Variants in MACROD2 observed in about 807,000 individuals in gnomAD.
MACROD2 encodes mono-ADP ribosylhydrolase 2.
Under a neutral mutation model 70.4 loss-of-function variants are expected in MACROD2, and 36 were observed. The observed-to-expected ratio is 0.51, with a 90% CI of 0.39 to 0.68. The LOEUF is 0.68. Among genes scored for constraint, MACROD2 ranks in the 30% least tolerant of loss-of-function variants. The pLI, the probability that MACROD2 is intolerant of heterozygous loss-of-function variation, is 0.00. For synonymous variants in MACROD2, 172 were observed against 178.8 expected, an observed-to-expected ratio of 0.96 and a Z score of 0.30; for missense variants, 496 against 538.4, an observed-to-expected ratio of 0.92 and a Z score of 0.78.
intron 3 of MACROD2, among the ~76,000 whole-genome samples, chr20:14,174,738 G>A (rs964291959): frequency 5.3e-5 from 8 of 152,196 alleles, no homozygotes; most frequent in Non-Finnish European, 1.0e-4. Context: ...AGTTTAGCTG[G>A]AAGTTTCCTT....
intron 4 of MACROD2, among the ~76,000 whole-genome samples, chr20:14,679,287 G>A (rs1600530423): frequency 6.6e-6 from 1 of 152,224 alleles, no homozygotes; most frequent in Non-Finnish European, 1.5e-5. Context: ...TTGAAAAATG[G>A]GAAAGACCTC....
At chr20:15,487,936 G>C (rs918350650) in intron 7 of MACROD2, among the ~76,000 whole-genome samples, 1 of 152,174 alleles carries the variant, frequency 6.6e-6, no homozygotes, top group Non-Finnish European at 1.5e-5. Flanking sequence ...CAGCATGCCT[G>C]CCTCTGGAGA....
At chr20:14,408,054 G>T (rs1423186529) in intron 3 of MACROD2, among the ~76,000 whole-genome samples, 1 of 152,122 alleles carries the variant, frequency 6.6e-6, no homozygotes, top group East Asian at 1.9e-4. Context: ...GACTTTTAGT[G>T]TTATGTAACT....
intron 5 of MACROD2, among the ~76,000 whole-genome samples, chr20:15,077,503 A>T (rs942385431): frequency 5.9e-5 from 9 of 152,200 alleles, no homozygotes; most frequent in Non-Finnish European, 1.2e-4. Flanking sequence ...AATGTAAAGG[A>T]TTAGTATTAG....
intron 6 of MACROD2, among the ~76,000 whole-genome samples, chr20:15,409,101 G>T (rs1474546034): frequency 2.0e-5 from 3 of 152,142 alleles, no homozygotes; most frequent in Non-Finnish European, 2.9e-5. Context: ...ATGCTAGCCA[G>T]TTCTGGTTGG....
chr20:15,987,203 T>C (rs2066498472), intron 15 of MACROD2, 45 bp downstream of exon 15: 1 of 1,446,756 alleles, frequency 6.9e-7, no homozygotes, highest in Non-Finnish European at 9.5e-7. Flanking sequence ...GAGAGTTTCT[T>C]TGGATTCCTG....
chr20:15,358,656 A>C (rs1299565865), intron 6 of MACROD2, among the ~76,000 whole-genome samples: 1 of 152,224 alleles, frequency 6.6e-6, no homozygotes, highest in Non-Finnish European at 1.5e-5. Context: ...AAAATACTAC[A>C]GACTGGGTGA....
chr20:15,970,035 G>A (rs2066206511), intron 13 of MACROD2, among the ~76,000 whole-genome samples: 1 of 151,950 alleles, frequency 6.6e-6, no homozygotes, highest in Admixed American at 6.6e-5. Context: ...TCAAGCACTT[G>A]GACTGAGAGC....
intron 6 of MACROD2, among the ~76,000 whole-genome samples, chr20:15,365,751 T>A (rs1440413724): frequency 3.3e-5 from 5 of 152,180 alleles, no homozygotes; most frequent in African/African-American, 4.8e-5. Flanking sequence ...AAAGAGTTTT[T>A]AAATTTGATT....
At chr20:14,717,041 T>G (rs763347942) in intron 5 of MACROD2, among the ~76,000 whole-genome samples, 22 of 152,206 alleles carry the variant, frequency 1.4e-4, no homozygotes, top group South Asian at 6.2e-4. Flanking sequence ...AAAAAAAATT[T>G]GGGGGTATTG....
rs556478881 is a variant in MACROD2 at position 15,959,555 on chromosome 20, C to T, written c.908-7998C>T. On this transcript the variant is annotated intron_variant, in intron 12 of 17. Transcript: ENST00000684519. The stretch of plus-strand genomic sequence containing the variant: ...TTTGTTTGTTTGTTTTTGAGACAGA[C>T]TCGCACTGTGTCAACCCAGGCTGGA... Among the ~76,000 whole-genome samples, 7 of 152,232 alleles carry T rather than the reference C, an allele frequency of 4.6e-5. No individual in the cohort carries two copies. The South Asian group carries it at 1.5e-3, about 32-fold the overall frequency.
At chr20:14,483,669 G>A (rs1054282151) in intron 3 of MACROD2, among the ~76,000 whole-genome samples, 1 of 152,208 alleles carries the variant, frequency 6.6e-6, no homozygotes, top group African/African-American at 2.4e-5. Context: ...GCCTCCCAAA[G>A]TGCTGAGATT....
chr20:14,379,393 T>G (rs986739691), intron 3 of MACROD2, among the ~76,000 whole-genome samples: 1 of 152,186 alleles, frequency 6.6e-6, no homozygotes, highest in Non-Finnish European at 1.5e-5. Context: ...AGTTCACCCA[T>G]TTAAAGTATA....
At chr20:16,022,907 T>A (rs191970361) in intron 15 of MACROD2, among the ~76,000 whole-genome samples, 1 of 152,228 alleles carries the variant, frequency 6.6e-6, no homozygotes, top group Non-Finnish European at 1.5e-5. Flanking sequence ...CTTAACTGGA[T>A]CATGCTGGAC....
chr20:15,661,276 G>A (rs570071909), intron 8 of MACROD2, among the ~76,000 whole-genome samples: 1 of 152,278 alleles, frequency 6.6e-6, no homozygotes, highest in African/African-American at 2.4e-5. Flanking sequence ...AAGAAAAGAG[G>A]TTTGTATGGC....
chr20:14,860,131 T>C (rs1023047922), intron 5 of MACROD2, among the ~76,000 whole-genome samples: 11 of 152,118 alleles, frequency 7.2e-5, no homozygotes, highest in Admixed American at 1.3e-4. Context: ...AGGGAGACCA[T>C]GTGATAAAAC....
chr20:15,325,967 A>G (rs2077924726), intron 6 of MACROD2, among the ~76,000 whole-genome samples: 1 of 152,176 alleles, frequency 6.6e-6, no homozygotes, highest in African/African-American at 2.4e-5. Context: ...CTTCAGGTCC[A>G]AACTGTTTGA....
chr20:14,944,176 A>G (rs540888958), intron 5 of MACROD2, among the ~76,000 whole-genome samples: 3 of 152,236 alleles, frequency 2.0e-5, no homozygotes, highest in Admixed American at 6.5e-5. Context: ...TAAAATATAA[A>G]GAAGAATGAG....
At chr20:15,241,681 A>C (rs972868589) in intron 6 of MACROD2, among the ~76,000 whole-genome samples, 4 of 152,080 alleles carry the variant, frequency 2.6e-5, no homozygotes, top group African/African-American at 9.7e-5. Flanking sequence ...AAAGTCTTCA[A>C]AACAATGAAA....
Sources: gnomAD v4.1 joint callset for allele counts (sites outside exome capture counted in the v4.1 genomes callset) on GRCh38, gnomAD v4.1.1 for gene constraint, MANE v1.5 for transcripts, NCBI Gene and HGNC (gene_info 2026-07-23, HGNC 2026-07-21) for gene names.